The following AGAP1 variants were observed in gnomAD, a reference collection of about 807,000 sequenced individuals.
The protein encoded by AGAP1 is arf-GAP with GTPase, ANK repeat and PH domain-containing protein 1.
A neutral mutation model predicts 105.3 loss-of-function variants in AGAP1; 29 were observed. The ratio of observed to expected loss-of-function variants is 0.28; its 90% confidence interval spans 0.21 to 0.38. AGAP1 has a LOEUF of 0.38. AGAP1 is among the 10% of genes least tolerant of loss of function. The probability of loss-of-function intolerance (pLI) is 1.00; values close to 1 mark genes in which losing one functional copy is unlikely to be tolerated. For synonymous variants in AGAP1, 509 were observed against 485.9 expected, an observed-to-expected ratio of 1.05 and a Z score of -0.63; for missense variants, 998 against 1,165.1, an observed-to-expected ratio of 0.86 and a Z score of 2.09.
In AGAP1 at chr2:236,062,784, C is replaced by A. The variant is rs2058238416; in HGVS notation, c.2114+13503C>A. 6.6e-6 allele frequency among the ~76,000 whole-genome samples: 1 copy of A among 152,176 alleles called. No individual in the cohort carries two copies. Among genetic ancestry groups the A allele is most frequent in the Non-Finnish European group, 1.5e-5 (1 of 68,050 alleles). On this transcript the variant is annotated intron_variant, in intron 16 of 17. Coordinates refer to ENST00000304032, the MANE Select transcript of AGAP1 (RefSeq NM_001037131.3). This position sits in a 1 kb window ranked among gnomAD's most constrained non-coding sequence, Gnocchi z 4.2. ...TCAAGCAAATTCTCTGCCTCAGCCT[C>A]CCAAGTAGCTGGGATTACAGGCTCC...
At chr2:236,060,738 C>T (rs879896707) in intron 16 of AGAP1, among the ~76,000 whole-genome samples, 4 of 151,920 alleles carry the variant, frequency 2.6e-5, no homozygotes, top group Admixed American at 2.6e-4. Context: ...ACTTAAAACT[C>T]AACAATAGAA....
Position 236,058,797 on chromosome 2 carries a change from A to C in AGAP1, c.2114+9516A>C, listed in dbSNP as rs1319345902. Among the ~76,000 whole-genome samples the C allele has an allele frequency of 6.6e-6, 1 of 152,208 alleles. No individual in the cohort carries two copies. On this transcript the variant is annotated intron_variant, in intron 16 of 17. Transcript: ENST00000304032. This position sits in a 1 kb window ranked among gnomAD's most constrained non-coding sequence, Gnocchi z 4.6. ...AACTACCTCCATTTCCAGATGACAT[A>C]ATCTTTTATGTGGAAAATCCTAAGG...
At chr2:235,932,836 GT>G (rs2052787846) in intron 12 of AGAP1, among the ~76,000 whole-genome samples, 1 of 152,212 alleles carries the variant, frequency 6.6e-6, no homozygotes, top group African/African-American at 2.4e-5. Context: ...CCTCCGTTTG[GT>G]TGGAAGTCTC....
At chr2:235,537,040 T>A (rs1343380877) in intron 1 of AGAP1, among the ~76,000 whole-genome samples, 1 of 152,182 alleles carries the variant, frequency 6.6e-6, no homozygotes, top group East Asian at 1.9e-4. Context: ...GATGAGCAGC[T>A]CCTCTGCGCC....
rs371915108 is a variant in AGAP1 at position 235,865,315 on chromosome 2, C to G, written c.1051-18030C>G. 2.6e-5 allele frequency among the ~76,000 whole-genome samples: 4 copies of G among 152,192 alleles called. No homozygotes were observed. The highest frequency in any genetic ancestry group is 9.7e-5 in the African/African-American group (4 of 41,444). ...AGCAGTGAGGTAGGAATAGACGCGG[C>G]TAATGACAGGAAGGTCGCGCGGGTG... On this transcript the variant is annotated intron_variant, in intron 9 of 17. Transcript: ENST00000304032. The surrounding 1 kb of genome is among the most constrained non-coding windows in gnomAD (Gnocchi z 6.2).
intron 1 of AGAP1, among the ~76,000 whole-genome samples, chr2:235,703,181 G>A (rs1950343265): frequency 6.6e-6 from 1 of 151,962 alleles, no homozygotes; most frequent in Non-Finnish European, 1.5e-5. Flanking sequence ...GCCTGCCTCA[G>A]CCTCACAAAG....
rs1240393233 is a variant in AGAP1, at chr2:236,104,122, G to C, written c.2115-16070G>C. Reference sequence around the variant, plus strand: ...TTTAGGTGGGGGGCCTTGGGCAGTGGGTCTGCCCCAGGAGCCCCGCAAGGC... The same window carrying C: ...TTTAGGTGGGGGGCCTTGGGCAGTGCGTCTGCCCCAGGAGCCCCGCAAGGC... On this transcript the variant is annotated intron_variant, in intron 16 of 17. Transcript: ENST00000304032. The surrounding 1 kb of genome is among the most constrained non-coding windows in gnomAD (Gnocchi z 4.7). Among the ~76,000 whole-genome samples the C allele has an allele frequency of 2.0e-5, 3 of 152,096 alleles. No individual in the cohort carries two copies. Among genetic ancestry groups the C allele is most frequent in the Non-Finnish European group, 4.4e-5 (3 of 68,050 alleles).
rs533587356 is a variant in AGAP1, at chr2:235,976,702, A to G, written c.1645+8079A>G. ...AGGACACACATAGACCAGTGGAGAA[A>G]GCAGAAACACGCCGGGGAACTTGGT... On this transcript the variant is annotated intron_variant, in intron 13 of 17. Coordinates refer to ENST00000304032, the MANE Select transcript of AGAP1 (RefSeq NM_001037131.3). The surrounding 1 kb of genome is among the most constrained non-coding windows in gnomAD (Gnocchi z 4.5). Among the ~76,000 whole-genome samples the G allele has an allele frequency of 6.6e-6, 1 of 152,188 alleles. No homozygotes were observed. Among genetic ancestry groups the G allele is most frequent in the Non-Finnish European group, 1.5e-5 (1 of 68,022 alleles).
At position 235,655,097 on chromosome 2, in the gene AGAP1, TAACAG is replaced by T. The variant is rs995940466; in HGVS notation, c.164-54079_164-54075del. Among the ~76,000 whole-genome samples the T allele has an allele frequency of 3.3e-5, 5 of 152,030 alleles. No individual in the cohort carries two copies. Among genetic ancestry groups the T allele is most frequent in the Non-Finnish European group, 7.4e-5 (5 of 68,000 alleles). The stretch of plus-strand genomic sequence containing the variant: ...TTTTTTTTTTTTTTGAGTTGTGTGT[TAACAG>T]AAACCTTTGTGCATTTGACACAAGG... On this transcript the variant is annotated intron_variant, in intron 1 of 17. Transcript: ENST00000304032. The surrounding 1 kb of genome is among the most constrained non-coding windows in gnomAD (Gnocchi z 4.3).
rs1943953687 is a variant in AGAP1, at chr2:235,555,778, G to A, written c.163+60929G>A. Among the ~76,000 whole-genome samples, 1 of 152,160 alleles carries A rather than the reference G, an allele frequency of 6.6e-6. No homozygotes were observed. Among genetic ancestry groups the A allele is most frequent in the Admixed American group, 6.5e-5 (1 of 15,276 alleles). On this transcript the variant is annotated intron_variant, in intron 1 of 17. Transcript: ENST00000304032. This position sits in a 1 kb window ranked among gnomAD's most constrained non-coding sequence, Gnocchi z 5.1. ...GTGCTCAGGAGAGGAGACTTTGGGG[G>A]TCATCACTCATTTCTGAGTTACAGA...
Position 235,920,709 on chromosome 2 carries a change from C to G in AGAP1, c.1325-10056C>G, listed in dbSNP as rs1301486891. Reference sequence around the variant, plus strand: ...CATGCACAGTTCATACATGAAGAGACACCATTACAAGGGAAACATAAGGAA... The same window carrying G: ...CATGCACAGTTCATACATGAAGAGAGACCATTACAAGGGAAACATAAGGAA... On this transcript the variant is annotated intron_variant, in intron 11 of 17. Coordinates refer to ENST00000304032, the MANE Select transcript of AGAP1 (RefSeq NM_001037131.3). 2.0e-5 allele frequency among the ~76,000 whole-genome samples: 3 copies of G among 152,182 alleles called. No homozygotes were observed. The South Asian group carries it at 6.2e-4, about 31-fold the overall frequency.
rs1943019696 is a variant in AGAP1, at chr2:235,530,836, C to T, written c.163+35987C>T. Among the ~76,000 whole-genome samples the T allele has an allele frequency of 2.0e-5, 3 of 152,146 alleles. No individual in the cohort carries two copies. The South Asian group carries it at 6.2e-4, about 32-fold the overall frequency. ...CAGGTTCTGGGGATTAGGACTTGGG[C>T]ATCTTTGGGGAGGGTGGTGTCTGCC... On this transcript the variant is annotated intron_variant, in intron 1 of 17. Transcript: ENST00000304032.
intron 3 of AGAP1, among the ~76,000 whole-genome samples, chr2:235,730,013 G>T (rs1489857555): frequency 6.6e-6 from 1 of 152,040 alleles, no homozygotes; most frequent in East Asian, 1.9e-4. Context: ...GGATTTCTTA[G>T]TTTCTCCATG....
At position 235,719,523 on chromosome 2, in the gene AGAP1, T is replaced by C. The variant is rs1951278690; in HGVS notation, c.310+1879T>C. On this transcript the variant is annotated intron_variant, in intron 3 of 17. Coordinates refer to ENST00000304032, the MANE Select transcript of AGAP1 (RefSeq NM_001037131.3). This position sits in a 1 kb window ranked among gnomAD's most constrained non-coding sequence, Gnocchi z 4.9. The stretch of plus-strand genomic sequence containing the variant: ...AACTGATCACTAACATCCCTGCTTC[T>C]TTGATTTTTCAAGTAATGCATTTTA... Among the ~76,000 whole-genome samples the C allele has an allele frequency of 6.6e-6, 1 of 152,254 alleles. No homozygotes were observed. Among genetic ancestry groups the C allele is most frequent in the Non-Finnish European group, 1.5e-5 (1 of 68,048 alleles).
rs904503533 is a variant in AGAP1 at position 235,692,037 on chromosome 2, A to G, written c.164-17142A>G. ...AAGACAGAGCCAGTTAACAAAGACT[A>G]TAAAGTTTTCTCAAGAGGATGTAAA... is the stretch of plus-strand genomic sequence containing the variant. On this transcript the variant is annotated intron_variant, in intron 1 of 17. Transcript: ENST00000304032. This position sits in a 1 kb window ranked among gnomAD's most constrained non-coding sequence, Gnocchi z 5.8. Among the ~76,000 whole-genome samples, 3 of 152,254 alleles carry G rather than the reference A, an allele frequency of 2.0e-5. No homozygotes were observed. The highest frequency in any genetic ancestry group is 4.8e-5 in the African/African-American group (2 of 41,468).
rs1357688116 is a variant in AGAP1 at position 235,701,765 on chromosome 2, G to T, written c.164-7414G>T. ...GGCTCTTTTCCGGCTGCGTTGAAAT[G>T]GATTTCTTTATTCTATTTAAGACTC... On this transcript the variant is annotated intron_variant, in intron 1 of 17. Coordinates refer to ENST00000304032, the MANE Select transcript of AGAP1 (RefSeq NM_001037131.3). This position sits in a 1 kb window ranked among gnomAD's most constrained non-coding sequence, Gnocchi z 4.1. Among the ~76,000 whole-genome samples the T allele has an allele frequency of 6.6e-6, 1 of 152,122 alleles. No individual in the cohort carries two copies. Among genetic ancestry groups the T allele is most frequent in the African/African-American group, 2.4e-5 (1 of 41,422 alleles).
In AGAP1 at chr2:235,663,090, C is replaced by T. The variant is rs764650992; in HGVS notation, c.164-46089C>T. ...CTGTAATCCCAGCACTTTGGGAGGCCGAGGCGGGTGGATCATCTGAGGTCA... is the reference window on the plus strand; with the variant it reads ...CTGTAATCCCAGCACTTTGGGAGGCTGAGGCGGGTGGATCATCTGAGGTCA... On this transcript the variant is annotated intron_variant, in intron 1 of 17. Coordinates refer to ENST00000304032, the MANE Select transcript of AGAP1 (RefSeq NM_001037131.3). This position sits in a 1 kb window ranked among gnomAD's most constrained non-coding sequence, Gnocchi z 5.4. Among the ~76,000 whole-genome samples the T allele has an allele frequency of 1.2e-4, 19 of 152,142 alleles. No individual in the cohort carries two copies. Among genetic ancestry groups the T allele is most frequent in the African/African-American group, 4.1e-4 (17 of 41,516 alleles).
intron 1 of AGAP1, among the ~76,000 whole-genome samples, chr2:235,679,937 G>A (rs1187017954): frequency 6.6e-6 from 1 of 152,258 alleles, no homozygotes; most frequent in Non-Finnish European, 1.5e-5. Flanking sequence ...CTAATATGAT[G>A]CGAATGGTGT....
rs568928552 is a variant in AGAP1, at chr2:236,109,305, G to A, written c.2115-10887G>A. ...CGCCCTGCCGAGCACCTCATTCCCG[G>A]GCAGCACTTCTGTTTTGGGTACTGG... On this transcript the variant is annotated intron_variant, in intron 16 of 17. Transcript: ENST00000304032. This position sits in a 1 kb window ranked among gnomAD's most constrained non-coding sequence, Gnocchi z 5.4. Among the ~76,000 whole-genome samples the A allele has an allele frequency of 6.9e-4, 105 of 152,152 alleles. 3 individuals carry two copies. In the South Asian group the frequency reaches 0.022, roughly 32 times the overall value.
Sources: allele counts gnomAD v4.1 joint callset (sites outside exome capture counted in the v4.1 genomes callset), GRCh38; gene constraint gnomAD v4.1.1; non-coding constraint Gnocchi (gnomAD v3.1); transcripts MANE v1.5; gene names NCBI Gene and HGNC (gene_info 2026-07-23, HGNC 2026-07-21).